The following MACROD2 variants were observed in gnomAD, a reference collection of about 807,000 sequenced individuals.
MACROD2 encodes ADP-ribose glycohydrolase MACROD2.
Under a neutral mutation model 70.4 loss-of-function variants are expected in MACROD2, and 36 were observed. The observed-to-expected ratio is 0.51, with a 90% CI of 0.39 to 0.68. The LOEUF (loss-of-function observed/expected upper bound fraction) is 0.68, where lower values mean the gene tolerates loss of function less well. Ranked by LOEUF, MACROD2 falls within the 30% of genes least tolerant of loss-of-function variation. The probability of loss-of-function intolerance (pLI) is 0.00; values close to 1 mark genes in which losing one functional copy is unlikely to be tolerated. For synonymous variants in MACROD2, 172 were observed against 178.8 expected (o/e 0.96, Z 0.30); for missense variants, 496 against 538.4 (o/e 0.92, Z 0.78).
chr20:15,385,048 T>C (rs989971213), intron 6 of MACROD2, among the ~76,000 whole-genome samples: 3 of 152,184 alleles, frequency 2.0e-5, no homozygotes, highest in Admixed American at 1.3e-4. Context: ...CTGCAGAGAC[T>C]GTCCTGAAGG....
chr20:14,416,000 C>A (rs1028821081), intron 3 of MACROD2, among the ~76,000 whole-genome samples: 1 of 150,292 alleles, frequency 6.7e-6, no homozygotes, highest in Non-Finnish European at 1.5e-5. Flanking sequence ...CGCTCTGTTG[C>A]CAGACTGGAG....
At chr20:15,349,242 C>A (rs1370630560) in intron 6 of MACROD2, among the ~76,000 whole-genome samples, 4 of 152,198 alleles carry the variant, frequency 2.6e-5, no homozygotes, top group Non-Finnish European at 5.9e-5. Context: ...AAATCATAAT[C>A]TTTTTTCAGT....
At chr20:14,253,907 A>G (rs746953995) in intron 3 of MACROD2, among the ~76,000 whole-genome samples, 159 of 152,122 alleles carry the variant, frequency 1.0e-3, no homozygotes, top group Non-Finnish European at 2.1e-3. Flanking sequence ...GGGTGCAATT[A>G]AATTAGAATA....
At chr20:14,434,431 G>A (rs1230968815) in intron 3 of MACROD2, among the ~76,000 whole-genome samples, 1 of 151,494 alleles carries the variant, frequency 6.6e-6, no homozygotes. Context: ...CCCTTTCCCA[G>A]TATTAGGTGC....
At chr20:15,349,529 G>T (rs1172387558) in intron 6 of MACROD2, among the ~76,000 whole-genome samples, 1 of 152,034 alleles carries the variant, frequency 6.6e-6, no homozygotes, top group Non-Finnish European at 1.5e-5. Context: ...GGCCAAGGTG[G>T]GTGGATCACG....
chr20:15,133,235 A>T (rs2076119709), intron 5 of MACROD2, among the ~76,000 whole-genome samples: 1 of 152,112 alleles, frequency 6.6e-6, no homozygotes, highest in African/African-American at 2.4e-5. Context: ...AACTTTGAGG[A>T]GAAAACAGTA....
chr20:14,625,101 G>T (rs1984061304), intron 4 of MACROD2, among the ~76,000 whole-genome samples: 1 of 151,966 alleles, frequency 6.6e-6, no homozygotes, highest in South Asian at 2.1e-4. Context: ...AGGCTGAGGT[G>T]GGTGGATCCC....
chr20:14,002,539 T>A (rs1299078243), intron 2 of MACROD2, 135 bp downstream of exon 2: 1 of 586,660 alleles, frequency 1.7e-6, no homozygotes, highest in East Asian at 2.9e-5. Context: ...TGTGATTTAA[T>A]TGTTTTTAGT....
At chr20:15,444,873 C>G (rs1221894883) in intron 7 of MACROD2, among the ~76,000 whole-genome samples, 1 of 152,006 alleles carries the variant, frequency 6.6e-6, no homozygotes, top group African/African-American at 2.4e-5. Flanking sequence ...ATGCCTATAT[C>G]ATGGGGTTGT....
intron 8 of MACROD2, among the ~76,000 whole-genome samples, chr20:15,537,558 C>A (rs1242568832): frequency 6.6e-6 from 1 of 150,624 alleles, no homozygotes; most frequent in Non-Finnish European, 1.5e-5. Context: ...ACTGCAACCT[C>A]CACCTCCCAG....
chr20:15,221,239 T>G (rs1437675779), intron 5 of MACROD2, among the ~76,000 whole-genome samples: 4 of 152,188 alleles, frequency 2.6e-5, no homozygotes, highest in Non-Finnish European at 4.4e-5. Context: ...AACAAAGATC[T>G]TATTATCATC....
intron 8 of MACROD2, among the ~76,000 whole-genome samples, chr20:15,768,370 A>G (rs2051564067): frequency 6.6e-6 from 1 of 152,210 alleles, no homozygotes; most frequent in Non-Finnish European, 1.5e-5. Flanking sequence ...CTGTAGTGCA[A>G]TGATATTTGT....
intron 4 of MACROD2, among the ~76,000 whole-genome samples, chr20:14,657,211 A>G (rs543812673): frequency 6.6e-6 from 1 of 152,368 alleles, no homozygotes; most frequent in African/African-American, 2.4e-5. Context: ...ATATAATCTA[A>G]TAAGTTACAG....
At chr20:15,376,705 T>C (rs2045567387) in intron 6 of MACROD2, among the ~76,000 whole-genome samples, 1 of 152,166 alleles carries the variant, frequency 6.6e-6, no homozygotes, top group South Asian at 2.1e-4. Flanking sequence ...TGGATAAGAC[T>C]TTTGAAACCA....
chr20:15,445,261 C>T (rs530369288), intron 7 of MACROD2, among the ~76,000 whole-genome samples: 14 of 152,258 alleles, frequency 9.2e-5, no homozygotes, highest in African/African-American at 3.4e-4. Context: ...TGTGGTATAG[C>T]CTGTGAGTTC....
At chr20:15,636,073 AAAG>A (rs1274827559) in intron 8 of MACROD2, among the ~76,000 whole-genome samples, 1 of 132,762 alleles carries the variant, frequency 7.5e-6, no homozygotes, top group East Asian at 2.3e-4. Flanking sequence ...CTCCCTCTCA[AAAG>A]AAAAAAAAAA....
chr20:15,131,389 A>G (rs1308952007), intron 5 of MACROD2, among the ~76,000 whole-genome samples: 2 of 152,126 alleles, frequency 1.3e-5, no homozygotes, highest in African/African-American at 4.8e-5. Flanking sequence ...AAATTAATAT[A>G]AAGATGAAAT....
At chr20:15,975,447 C>A (rs8126173) in intron 13 of MACROD2, among the ~76,000 whole-genome samples, 4,473 of 151,890 alleles carry the variant, frequency 0.029, 222 homozygotes, top group African/African-American at 0.1. Context: ...ATGTTCATTG[C>A]AATATGATGT....
At chr20:15,410,148 T>C (rs1399002533) in intron 6 of MACROD2, among the ~76,000 whole-genome samples, 3 of 152,142 alleles carry the variant, frequency 2.0e-5, no homozygotes, top group Non-Finnish European at 4.4e-5. Flanking sequence ...TTTAAAGCAA[T>C]AGATGATTCT....
Sources: allele counts gnomAD v4.1 joint callset (sites outside exome capture counted in the v4.1 genomes callset), GRCh38; gene constraint gnomAD v4.1.1; transcripts MANE v1.5; gene names NCBI Gene and HGNC (gene_info 2026-07-23, HGNC 2026-07-21).